Variants in PDE8B observed in about 807,000 individuals in gnomAD.
PDE8B encodes the protein high affinity cAMP-specific and IBMX-insensitive 3',5'-cyclic phosphodiesterase 8B.
A neutral mutation model predicts 101.3 loss-of-function variants in PDE8B; 26 were observed. That is an observed-to-expected ratio of 0.26 (90% CI 0.19 to 0.36). PDE8B has a LOEUF of 0.36. Among genes scored for constraint, PDE8B ranks in the 10% least tolerant of loss-of-function variants. The probability of loss-of-function intolerance (pLI) is 1.00; values close to 1 mark genes in which losing one functional copy is unlikely to be tolerated. For synonymous variants in PDE8B, 424 were observed against 429.3 expected (o/e 0.99, Z 0.15); for missense variants, 810 against 1,163.1 (o/e 0.70, Z 4.42).
rs775194361 is a variant in PDE8B, at chr5:77,421,801, T to G, written c.2251-20T>G. 6 of 1,613,288 alleles carry G rather than the reference T, an allele frequency of 3.7e-6. No individual in the cohort carries two copies. Among genetic ancestry groups the G allele is most frequent in the Non-Finnish European group, 5.1e-6 (6 of 1,179,630 alleles). ...CACCGTCATCTTGAACCAAGCCTGA[T>G]CTGACCATCTGTTTTCCAGATTGAA... On this transcript the variant is annotated intron_variant, in intron 19 of 21. Transcript: ENST00000264917.
chr5:77,170,703 T>C, the PDE8B span, among the ~76,000 whole-genome samples: 1 of 152,202 alleles, frequency 6.6e-6, no homozygotes. Flanking sequence ...GAAACACATA[T>C]GGAAACAATC....
At chr5:77,391,289 G>A (rs1450600707) in intron 10 of PDE8B, among the ~76,000 whole-genome samples, 3 of 152,166 alleles carry the variant, frequency 2.0e-5, no homozygotes, top group African/African-American at 7.2e-5. Context: ...GCACCGCTGG[G>A]GTGTGACAGG....
the PDE8B span, among the ~76,000 whole-genome samples, chr5:77,176,146 C>T: frequency 2.0e-5 from 3 of 152,176 alleles, no homozygotes; most frequent in South Asian, 6.2e-4. Flanking sequence ...TTCCACTGCA[C>T]GTCCAGGGTG....
At chr5:77,367,532 T>C (rs7443262) in intron 10 of PDE8B, among the ~76,000 whole-genome samples, 148 of 6,468 alleles carry the variant, frequency 0.023, 1 homozygote, top group African/African-American at 0.14. Context: ...TTTTCTCTCT[T>C]TTTTTTTTTT....
the PDE8B span, among the ~76,000 whole-genome samples, chr5:77,199,218 T>C: frequency 6.6e-6 from 1 of 152,202 alleles, no homozygotes; most frequent in Non-Finnish European, 1.5e-5. Context: ...ACAGAGGCTA[T>C]TAAAAATGTA....
chr5:77,424,235 T>C (rs889826800), intron 20 of PDE8B, among the ~76,000 whole-genome samples: 6 of 152,160 alleles, frequency 3.9e-5, no homozygotes, highest in African/African-American at 1.4e-4. Context: ...AGAGAGGACC[T>C]GACGTACTAC....
intron 10 of PDE8B, among the ~76,000 whole-genome samples, chr5:77,383,429 T>C (rs1787913336): frequency 6.6e-6 from 1 of 152,232 alleles, no homozygotes; most frequent in African/African-American, 2.4e-5. Context: ...CAGAAGCTCT[T>C]TAATTAGATC....
chr5:77,349,606 ACT>A, intron 8 of PDE8B, 47 bp downstream of exon 8: 1 of 1,608,912 alleles, frequency 6.2e-7, no homozygotes, highest in Non-Finnish European at 8.5e-7. Flanking sequence ...TCCCCAATGC[ACT>A]TTTTTTTCTG....
intron 1 of PDE8B, among the ~76,000 whole-genome samples, chr5:77,309,966 T>TTTTTC (rs60406571): frequency 7.0e-6 from 1 of 143,334 alleles, no homozygotes; most frequent in Non-Finnish European, 1.5e-5. Flanking sequence ...TTTTTTTTTT[T>TTTTTC]GAGATGGAGT....
rs879122691 is a variant in PDE8B at position 77,290,396 on chromosome 5, T to C, written c.340-21598T>C. 6.5e-6 allele frequency: 9 copies of C among 1,388,478 alleles called. No individual in the cohort carries two copies. The South Asian group carries it at 9.3e-5, about 14-fold the overall frequency. 86.0% of individuals were successfully genotyped at this position (1,388,478 alleles called of 1,614,324 possible). A position where few individuals can be genotyped will look rare whatever the true frequency, so the allele number is the denominator to read the frequency against. ...GAGAGGTTATTATGACCTGTTGCTC[T>C]GCTAACAACTAGCCAATAGCAAGAG... On this transcript the variant is annotated intron_variant, in intron 1 of 21. Coordinates refer to ENST00000264917, the MANE Select transcript of PDE8B (RefSeq NM_003719.5).
chr5:77,212,200 A>G (rs553514381), intron 1 of PDE8B, among the ~76,000 whole-genome samples: 25 of 152,336 alleles, frequency 1.6e-4, no homozygotes, highest in African/African-American at 5.5e-4. Flanking sequence ...AGCAAACAAG[A>G]TAACAATGGC....
chr5:77,243,299 C>T (rs1428943735), intron 1 of PDE8B, among the ~76,000 whole-genome samples: 1 of 152,086 alleles, frequency 6.6e-6, no homozygotes, highest in African/African-American at 2.4e-5. Context: ...GTTAAGTAAG[C>T]CATTTAGGAG....
chr5:77,325,398 G>C, intron 2 of PDE8B, 141 bp from the exon 3 acceptor site: 1 of 767,598 alleles, frequency 1.3e-6, no homozygotes, highest in South Asian at 1.5e-5. Context: ...TTGAACACCT[G>C]GGCTTAAGTA....
Position 77,426,436 on chromosome 5 carries a change from T to G in PDE8B, c.2549-9T>G. The G allele has an allele frequency of 6.3e-7, 1 of 1,584,596 alleles. No homozygotes were observed. Among genetic ancestry groups the G allele is most frequent in the African/African-American group, 1.3e-5 (1 of 74,474 alleles). Reference sequence around the variant, plus strand: ...ACCGGTTTCTTTTGATTCTTTTCTGTCTTTGCAGCCTTTGCACATCTGCCA... The same window carrying G: ...ACCGGTTTCTTTTGATTCTTTTCTGGCTTTGCAGCCTTTGCACATCTGCCA... On this transcript the variant is annotated splice_polypyrimidine_tract_variant and intron_variant, in intron 21 of 21. Transcript: ENST00000264917.
the PDE8B span, among the ~76,000 whole-genome samples, chr5:77,115,925 A>T: frequency 1.3e-5 from 2 of 152,174 alleles, no homozygotes; most frequent in African/African-American, 4.8e-5. Flanking sequence ...AAGAAGGTTT[A>T]TGGGCAGAGT....
chr5:77,422,994 A>G (rs1797011668), intron 20 of PDE8B, among the ~76,000 whole-genome samples: 1 of 152,186 alleles, frequency 6.6e-6, no homozygotes, highest in Admixed American at 6.5e-5. Flanking sequence ...CCCAATAAGT[A>G]GTTTTTCAAC....
the PDE8B span, chr5:77,147,310 C>T: frequency 2.5e-5 from 5 of 201,732 alleles, 1 homozygote; most frequent in Admixed American, 2.9e-4. Context: ...ATAGTTAACA[C>T]ACTACTGAAT....
At chr5:77,257,955 T>G (rs1443283650) in intron 1 of PDE8B, among the ~76,000 whole-genome samples, 1 of 152,022 alleles carries the variant, frequency 6.6e-6, no homozygotes, top group East Asian at 1.9e-4. Context: ...AAAAGAAAAG[T>G]GCAAGGATCC....
the PDE8B span, among the ~76,000 whole-genome samples, chr5:77,137,094 G>C: frequency 6.6e-6 from 1 of 152,166 alleles, no homozygotes; most frequent in Non-Finnish European, 1.5e-5. Flanking sequence ...TAAGGCCAGA[G>C]TCCTCTAGTT....
Sources: allele counts gnomAD v4.1 joint callset (sites outside exome capture counted in the v4.1 genomes callset), GRCh38; gene constraint gnomAD v4.1.1; transcripts MANE v1.5; gene names NCBI Gene and HGNC (gene_info 2026-07-23, HGNC 2026-07-21).